The following SPRR2G variants were observed in gnomAD, a reference collection of about 807,000 sequenced individuals.
SPRR2G encodes small proline-rich protein 2G.
SPRR2G carries 1 observed loss-of-function variant against 0.7 expected under a neutral mutation model. That is an observed-to-expected ratio of 1.49 (90% CI 0.53 to 7.06). The LOEUF (loss-of-function observed/expected upper bound fraction) is 7.06, where lower values mean the gene tolerates loss of function less well. Ranked by LOEUF, SPRR2G falls within the 30% of genes most tolerant of loss-of-function variation. SPRR2G has a pLI of 0.14. For missense variants in SPRR2G, 96 were observed against 88.5 expected, an observed-to-expected ratio of 1.09 and a Z score of -0.34; for synonymous variants, 38 against 33.9, an observed-to-expected ratio of 1.12 and a Z score of -0.42.
the SPRR2G span, among the ~76,000 whole-genome samples, chr1:153,172,605 A>G: frequency 1.4e-4 from 22 of 152,142 alleles, no homozygotes; most frequent in Admixed American, 7.9e-4. Context: ...TACCTGCAAA[A>G]CTGGAGTTTC....
At chr1:153,152,143 A>C (rs1656483886), upstream of SPRR2G, among the ~76,000 whole-genome samples, 1 of 152,256 alleles carries the variant, frequency 6.6e-6, no homozygotes, top group South Asian at 2.1e-4. Context: ...TCTTCTAAGA[A>C]ATATAAACTC....
chr1:153,198,848 T>C, the SPRR2G span, among the ~76,000 whole-genome samples: 1 of 152,028 alleles, frequency 6.6e-6, no homozygotes, highest in East Asian at 1.9e-4. Context: ...CTTTCAGCAA[T>C]GGTGGATAAT....
chr1:153,181,781 A>ATT, the SPRR2G span, among the ~76,000 whole-genome samples: 1 of 150,566 alleles, frequency 6.6e-6, no homozygotes, highest in Non-Finnish European at 1.5e-5. Flanking sequence ...GTGGTATTCC[A>ATT]TTATATATAT....
At chr1:153,196,961 G>C in the SPRR2G span, among the ~76,000 whole-genome samples, 1 of 152,244 alleles carries the variant, frequency 6.6e-6, no homozygotes, top group African/African-American at 2.4e-5. Context: ...GGAGCCCTCA[G>C]GTAAAATGTG....
the SPRR2G span, among the ~76,000 whole-genome samples, chr1:153,170,777 A>G: frequency 6.6e-5 from 10 of 152,078 alleles, no homozygotes; most frequent in East Asian, 1.7e-3. Flanking sequence ...CAAAGGTCCT[A>G]CCTCCCTGCA....
the SPRR2G span, among the ~76,000 whole-genome samples, chr1:153,164,010 T>C: frequency 2.6e-5 from 4 of 152,228 alleles, no homozygotes; most frequent in African/African-American, 7.2e-5. Context: ...TTCATACTAA[T>C]ATATAGTAAT....
the SPRR2G span, among the ~76,000 whole-genome samples, chr1:153,200,941 C>T: frequency 6.6e-6 from 1 of 152,068 alleles, no homozygotes; most frequent in Non-Finnish European, 1.5e-5. Flanking sequence ...CTCCTGACCT[C>T]GTGATCCGCC....
the SPRR2G span, among the ~76,000 whole-genome samples, chr1:153,169,253 C>T: frequency 2.6e-5 from 4 of 152,072 alleles, no homozygotes; most frequent in South Asian, 2.1e-4. Flanking sequence ...AGTAGACCGA[C>T]GTTCCTTCCT....
chr1:153,174,059 G>T, the SPRR2G span, among the ~76,000 whole-genome samples: 1 of 152,128 alleles, frequency 6.6e-6, no homozygotes, highest in Non-Finnish European at 1.5e-5. Flanking sequence ...AAATGTTATA[G>T]GGACATACAT....
upstream of SPRR2G, among the ~76,000 whole-genome samples, chr1:153,152,574 C>T (rs488552): frequency 0.49 from 74,642 of 151,970 alleles, 18,975 homozygotes; most frequent in Non-Finnish European, 0.57. Context: ...AGAGGAACAA[C>T]ATGAGGCTAG....
chr1:153,174,975 A>C, the SPRR2G span, among the ~76,000 whole-genome samples: 2 of 152,224 alleles, frequency 1.3e-5, no homozygotes, highest in African/African-American at 4.8e-5. Flanking sequence ...TGTACCCTAG[A>C]GTAAGGTAGA....
At chr1:153,199,938 C>G in the SPRR2G span, among the ~76,000 whole-genome samples, 5 of 151,830 alleles carry the variant, frequency 3.3e-5, no homozygotes, top group African/African-American at 9.7e-5. Flanking sequence ...AAGAATTACA[C>G]AGAGAGATAG....
the SPRR2G span, among the ~76,000 whole-genome samples, chr1:153,170,630 T>C: frequency 2.0e-5 from 3 of 152,146 alleles, no homozygotes; most frequent in South Asian, 6.2e-4. Context: ...AAGAAGGGCT[T>C]GATAGAGAGA....
At chr1:153,165,868 T>C in the SPRR2G span, among the ~76,000 whole-genome samples, 1 of 152,236 alleles carries the variant, frequency 6.6e-6, no homozygotes. Flanking sequence ...TTTGGGGGCC[T>C]CTGTGACTGT....
At chr1:153,173,392 C>T in the SPRR2G span, among the ~76,000 whole-genome samples, 1 of 151,502 alleles carries the variant, frequency 6.6e-6, no homozygotes, top group Non-Finnish European at 1.5e-5. Flanking sequence ...GGTTGTCCTA[C>T]AGAGAGAGGG....
the SPRR2G span, among the ~76,000 whole-genome samples, chr1:153,202,052 C>T: frequency 3.3e-5 from 5 of 152,184 alleles, no homozygotes; most frequent in African/African-American, 1.2e-4. Context: ...CTTGAGTTTA[C>T]ATGATAGTAG....
At chr1:153,165,157 C>CATGGATGGATGGATGG in the SPRR2G span, among the ~76,000 whole-genome samples, 58 of 149,178 alleles carry the variant, frequency 3.9e-4, no homozygotes, top group African/African-American at 1.3e-3. Flanking sequence ...AGAAAGCAAA[C>CATGGATGGATGGATGG]ATGGATGGAT....
At chr1:153,150,232 A>G in intron 1 of SPRR2G, 101 bp from the exon 2 acceptor site, 3 of 1,491,516 alleles carry the variant, frequency 2.0e-6, no homozygotes, top group Non-Finnish European at 2.7e-6. Flanking sequence ...ACCAACTTTG[A>G]TCCCTAATAC....
chr1:153,185,324 C>T, the SPRR2G span, among the ~76,000 whole-genome samples: 2 of 143,194 alleles, frequency 1.4e-5, no homozygotes, highest in Non-Finnish European at 3.0e-5. Flanking sequence ...GGCTGTGAAT[C>T]CTTCTGGTCC....
Sources: allele counts gnomAD v4.1 joint callset (sites outside exome capture counted in the v4.1 genomes callset), GRCh38; gene constraint gnomAD v4.1.1; transcripts MANE v1.5; gene names NCBI Gene and HGNC (gene_info 2026-07-23, HGNC 2026-07-21).